The following SRGAP3 variants were observed in gnomAD, a reference collection of about 807,000 sequenced individuals.
SRGAP3 encodes the protein SLIT-ROBO Rho GTPase activating protein 3, also known as SLIT-ROBO Rho GTPase-activating protein 3.
SRGAP3 carries 39 observed loss-of-function variants against 121.1 expected under a neutral mutation model. The observed-to-expected ratio is 0.32, with a 90% confidence interval of 0.25 to 0.42. The LOEUF (loss-of-function observed/expected upper bound fraction) is 0.42, where lower values mean the gene tolerates loss of function less well. SRGAP3 is among the 10% of genes least tolerant of loss of function. The pLI, the probability that SRGAP3 is intolerant of heterozygous loss-of-function variation, is 1.00. For synonymous variants in SRGAP3, 601 were observed against 570.0 expected (o/e 1.05, Z -0.77); for missense variants, 1,213 against 1,470.6 (o/e 0.82, Z 2.86).
At chr3:9,332,092 T>C (rs10514665) in intron 1 of SRGAP3, among the ~76,000 whole-genome samples, 2,169 of 151,666 alleles carry the variant, frequency 0.014, 86 homozygotes, top group Admixed American at 0.092. Context: ...AGTTATTCAA[T>C]GTGGTACAAG....
At position 9,082,088 on chromosome 3, in the gene SRGAP3, T is replaced by C. The variant is rs572454232; in HGVS notation, c.424-2001A>G. 2.0e-5 allele frequency among the ~76,000 whole-genome samples: 3 copies of C among 152,298 alleles called. No individual in the cohort carries two copies. In the South Asian group the frequency reaches 6.2e-4, roughly 32 times the overall value. On this transcript the variant is annotated intron_variant, in intron 3 of 21. Transcript: ENST00000383836. ...TGCATCATGGGGGTGAACGGCTCAG[T>C]GACATCCCCTTGGTGTATTCTGAAG...
intron 14 of SRGAP3, among the ~76,000 whole-genome samples, chr3:9,023,643 A>G (rs760641942): frequency 2.0e-5 from 3 of 152,004 alleles, no homozygotes; most frequent in Non-Finnish European, 4.4e-5. Flanking sequence ...TGGCTCCCCC[A>G]CTAGTAGTGA....
At position 9,015,731 on chromosome 3, in the gene SRGAP3, C is replaced by T. The variant is rs747627857; in HGVS notation, c.1679G>A (p.Gly560Asp). The change falls in exon 15 of 22, where the codon GGT becomes GAT. Residue 560 changes from glycine to aspartate, a missense_variant and splice_region_variant. Gly to Asp is a moderately conservative substitution (Grantham distance 94). Around this residue, in one of 2 missense-constraint regions of SRGAP3, gnomAD observed 793 missense variants for 1,032.9 expected, o/e 0.77. Coordinates refer to ENST00000383836, the MANE Select transcript of SRGAP3 (RefSeq NM_014850.4). The stretch of plus-strand genomic sequence containing the variant: ...TTGATCGTCCACAAGGGGGTCTTCA[C>T]CTGAGTGGAAACAAGAGACGAGATG... Reference protein sequence around the residue: ...VNDIKNSFERGEDPLVDDQNE... With the variant: ...VNDIKNSFERDEDPLVDDQNE... 4 of 1,614,060 alleles carry T rather than the reference C, an allele frequency of 2.5e-6. No homozygotes were observed. The highest frequency in any genetic ancestry group is 3.4e-6 in the Non-Finnish European group (4 of 1,180,022).
chr3:9,024,070 A>C (rs1944062777), intron 14 of SRGAP3, among the ~76,000 whole-genome samples: 1 of 152,170 alleles, frequency 6.6e-6, no homozygotes, highest in African/African-American at 2.4e-5. Flanking sequence ...GGTAATAAGT[A>C]GGAAGAATTC....
At chr3:9,250,452 C>T (rs1043329877), upstream of SRGAP3, among the ~76,000 whole-genome samples, 1 of 151,988 alleles carries the variant, frequency 6.6e-6, no homozygotes, top group African/African-American at 2.4e-5. Flanking sequence ...TGGAGTTGTA[C>T]GAGGCAAGAG....
intron 3 of SRGAP3, among the ~76,000 whole-genome samples, chr3:9,319,538 A>C (rs192086300): frequency 6.6e-6 from 1 of 152,066 alleles, no homozygotes; most frequent in Non-Finnish European, 1.5e-5. Flanking sequence ...AAAAGTTAAC[A>C]GGTATGTAAA....
At chr3:9,345,307 A>C (rs1039535526) in intron 1 of SRGAP3, among the ~76,000 whole-genome samples, 1 of 151,444 alleles carries the variant, frequency 6.6e-6, no homozygotes, top group Non-Finnish European at 1.5e-5. Flanking sequence ...CCTGGACAAA[A>C]CAGGGAGACA....
intron 1 of SRGAP3, among the ~76,000 whole-genome samples, chr3:9,182,995 G>A (rs975388586): frequency 6.6e-5 from 10 of 151,984 alleles, no homozygotes; most frequent in African/African-American, 2.2e-4. Context: ...CCTTTTTGTT[G>A]TGTGAAATAA....
chr3:9,123,372 A>AT (rs1553670439), intron 2 of SRGAP3, among the ~76,000 whole-genome samples: 8 of 58,334 alleles, frequency 1.4e-4, no homozygotes, highest in Non-Finnish European at 1.8e-4. Context: ...ACAATTAAAA[A>AT]ATATATATAT....
intron 15 of SRGAP3, among the ~76,000 whole-genome samples, chr3:9,015,390 CCTT>C (rs368471836): frequency 3.9e-5 from 6 of 152,290 alleles, no homozygotes; most frequent in African/African-American, 1.4e-4. Context: ...CCTCTGAGCT[CCTT>C]CTCTACCCAG....
intron 1 of SRGAP3, among the ~76,000 whole-genome samples, chr3:9,212,954 A>C (rs1277022434): frequency 6.6e-6 from 1 of 152,236 alleles, no homozygotes; most frequent in Non-Finnish European, 1.5e-5. Flanking sequence ...CTGCCAGCCC[A>C]GATGGTGACT....
intron 1 of SRGAP3, 200 bp from the exon 2 acceptor site, chr3:9,125,117 T>C (rs1196800451): frequency 3.1e-6 from 2 of 652,446 alleles, no homozygotes; most frequent in Non-Finnish European, 5.2e-6. Context: ...GTTTTTGCCA[T>C]TGATCTAACC....
intron 3 of SRGAP3, among the ~76,000 whole-genome samples, chr3:9,306,001 G>A (rs374649171): frequency 6.6e-6 from 1 of 152,144 alleles, no homozygotes; most frequent in East Asian, 1.9e-4. Context: ...TTCCACAATG[G>A]TTGAACTAAT....
intron 1 of SRGAP3, among the ~76,000 whole-genome samples, chr3:9,165,714 G>A (rs1185305208): frequency 6.6e-6 from 1 of 152,126 alleles, no homozygotes; most frequent in Non-Finnish European, 1.5e-5. Flanking sequence ...AGCCACACCT[G>A]TGTTCTTCAG....
At chr3:8,998,328 A>G (rs1030740097) in intron 18 of SRGAP3, among the ~76,000 whole-genome samples, 5 of 152,172 alleles carry the variant, frequency 3.3e-5, no homozygotes, top group African/African-American at 9.7e-5. Context: ...TATTAATGCT[A>G]TGTGCCGTTT....
intron 1 of SRGAP3, among the ~76,000 whole-genome samples, chr3:9,212,612 G>A (rs990905417): frequency 5.9e-5 from 9 of 152,198 alleles, no homozygotes; most frequent in African/African-American, 1.9e-4. Context: ...CTACTCGGGA[G>A]GCTAAGGCAG....
chr3:9,163,341 C>T (rs149827674), intron 1 of SRGAP3, among the ~76,000 whole-genome samples: 80 of 152,260 alleles, frequency 5.3e-4, no homozygotes, highest in Admixed American at 1.6e-3. Flanking sequence ...GTTCAACCAG[C>T]GAAGGAAGCA....
chr3:9,146,298 C>T (rs954461399), intron 1 of SRGAP3, among the ~76,000 whole-genome samples: 1 of 152,208 alleles, frequency 6.6e-6, no homozygotes, highest in Non-Finnish European at 1.5e-5. Context: ...TAGTAGAGTT[C>T]ACACACAGCA....
At position 8,984,438 on chromosome 3, in the gene SRGAP3, A is replaced by G. The variant is rs1941572518; in HGVS notation, c.*1081T>C. 8.6e-6 allele frequency: 2 copies of G among 231,842 alleles called. No homozygotes were observed. The highest frequency in any genetic ancestry group is 1.7e-5 in the Non-Finnish European group (2 of 117,284). The allele number at this position is 231,842 out of a possible 1,614,324, so 14.4% of individuals were successfully genotyped here. A position where few individuals can be genotyped will look rare whatever the true frequency, so the allele number is the denominator to read the frequency against. On this transcript the variant is annotated 3_prime_UTR_variant, in exon 22 of 22. Transcript: ENST00000383836. ...ACAGTATAATTAGTAGAACCAGGAA[A>G]AGAAAAAATTAAATAGTTTGAAAAT...
Sources: gnomAD v4.1 joint callset for allele counts (sites outside exome capture counted in the v4.1 genomes callset) on GRCh38, gnomAD v4.1.1 for gene constraint, gnomAD v4.1.1 regional missense constraint, MANE v1.5 for transcripts, NCBI Gene and HGNC (gene_info 2026-07-23, HGNC 2026-07-21) for gene names.